The following TMTC1 variants were observed in gnomAD, a reference collection of about 807,000 sequenced individuals.
TMTC1 encodes the protein transmembrane O-mannosyltransferase targeting cadherins 1, also known as protein O-mannosyl-transferase TMTC1.
TMTC1 carries 73 observed loss-of-function variants against 104.8 expected under a neutral mutation model. That is an observed-to-expected ratio of 0.70 (90% CI 0.58 to 0.85). The LOEUF (loss-of-function observed/expected upper bound fraction) is 0.85, where lower values mean the gene tolerates loss of function less well. Among genes scored for constraint, TMTC1 ranks in the 40% least tolerant of loss-of-function variants. The pLI is 0.00. For synonymous variants in TMTC1, 434 were observed against 428.7 expected, an observed-to-expected ratio of 1.01 and a Z score of -0.15; for missense variants, 1,035 against 1,096.1, an observed-to-expected ratio of 0.94 and a Z score of 0.79.
chr12:29,653,353 G>A (rs369239465), intron 5 of TMTC1, among the ~76,000 whole-genome samples: 1 of 151,956 alleles, frequency 6.6e-6, no homozygotes, highest in African/African-American at 2.4e-5. Context: ...CATGAATTCC[G>A]GCGAATAATA....
chr12:29,673,869 C>T (rs1940621888), intron 5 of TMTC1, among the ~76,000 whole-genome samples: 1 of 150,642 alleles, frequency 6.6e-6, no homozygotes, highest in Admixed American at 6.7e-5. Flanking sequence ...AAGCGATTCC[C>T]CTGCCTCAGC....
chr12:29,738,417 AAG>A lies in TMTC1; in HGVS notation c.938+13247_938+13248del, dbSNP rs542957832. 6.4e-4 allele frequency among the ~76,000 whole-genome samples: 98 copies of A among 152,306 alleles called. 1 individual carries two copies. The Middle Eastern group carries it at 0.031, about 48-fold the overall frequency. On this transcript the variant is annotated intron_variant, in intron 5 of 17. Coordinates refer to ENST00000539277, the MANE Select transcript of TMTC1 (RefSeq NM_001193451.2). ...TTCTCACTATTGAAGCTCTAAAACT[AAG>A]AGTCTGGCCAAAGTGAATGCCTGGC...
At chr12:29,669,374 C>CAG (rs929078975) in intron 5 of TMTC1, among the ~76,000 whole-genome samples, 143 of 152,256 alleles carry the variant, frequency 9.4e-4, no homozygotes, top group African/African-American at 3.2e-3. Flanking sequence ...AATGGACAGT[C>CAG]AGTGAAGGGC....
chr12:29,520,775 A>G, intron 11 of TMTC1, 55 bp from the exon 12 acceptor site: 1 of 1,392,230 alleles, frequency 7.2e-7, no homozygotes, highest in Non-Finnish European at 1.0e-6. Context: ...AAAACCAACA[A>G]TAACTGAATA....
intron 7 of TMTC1, among the ~76,000 whole-genome samples, chr12:29,602,248 T>A (rs530883106): frequency 6.6e-6 from 1 of 152,174 alleles, no homozygotes; most frequent in East Asian, 1.9e-4. Flanking sequence ...GCTCAAGAGA[T>A]CCCCCACCTT....
At chr12:29,574,149 T>G (rs540911046) in intron 8 of TMTC1, among the ~76,000 whole-genome samples, 5 of 152,276 alleles carry the variant, frequency 3.3e-5, no homozygotes, top group African/African-American at 9.6e-5. Flanking sequence ...TGATGGCTGA[T>G]TCTTTGGAGA....
chr12:29,695,420 C>A (rs1015607216), intron 5 of TMTC1, among the ~76,000 whole-genome samples: 14 of 152,092 alleles, frequency 9.2e-5, no homozygotes, highest in Non-Finnish European at 1.3e-4. Flanking sequence ...GATTCTCCTG[C>A]CTCAGACTCC....
chr12:29,714,398 AT>A (rs1303779590), intron 5 of TMTC1, among the ~76,000 whole-genome samples: 2 of 152,062 alleles, frequency 1.3e-5, no homozygotes, highest in African/African-American at 4.8e-5. Flanking sequence ...TTCTTTTAAA[AT>A]TTTTTTTACT....
chr12:29,656,591 A>G (rs1471385503), intron 5 of TMTC1, among the ~76,000 whole-genome samples: 2 of 151,990 alleles, frequency 1.3e-5, no homozygotes, highest in African/African-American at 4.8e-5. Context: ...TTGAAACACA[A>G]GAACAGAAAG....
At chr12:29,513,483 T>A (rs1226086699) in intron 16 of TMTC1, among the ~76,000 whole-genome samples, 5 of 152,198 alleles carry the variant, frequency 3.3e-5, no homozygotes, top group African/African-American at 1.2e-4. Context: ...TTTCTGTTTT[T>A]GATTAAAGGA....
At chr12:29,630,880 T>C (rs914826731) in intron 6 of TMTC1, among the ~76,000 whole-genome samples, 2 of 152,218 alleles carry the variant, frequency 1.3e-5, no homozygotes, top group African/African-American at 2.4e-5. Context: ...CCATCAGTAA[T>C]GTATAAGGAT....
chr12:29,610,468 C>T (rs1216255651), intron 6 of TMTC1, among the ~76,000 whole-genome samples: 1 of 152,200 alleles, frequency 6.6e-6, no homozygotes, highest in East Asian at 1.9e-4. Flanking sequence ...ACGTTTACTG[C>T]TATGACAATG....
chr12:29,661,117 TA>T (rs1940002032), intron 5 of TMTC1, among the ~76,000 whole-genome samples: 2 of 152,050 alleles, frequency 1.3e-5, no homozygotes, highest in African/African-American at 4.8e-5. Context: ...TACTCACTTA[TA>T]AAAGGGAGAC....
intron 5 of TMTC1, among the ~76,000 whole-genome samples, chr12:29,651,271 T>C (rs576589555): frequency 6.6e-6 from 1 of 152,332 alleles, no homozygotes; most frequent in South Asian, 2.1e-4. Context: ...AGATATAGTA[T>C]GCTGAAATAA....
intron 12 of TMTC1, 149 bp downstream of exon 12, chr12:29,520,469 G>C: frequency 1.5e-6 from 1 of 663,870 alleles, no homozygotes; most frequent in African/African-American, 1.8e-5. Context: ...CTAGAGAAAT[G>C]ACAGCCCCGA....
At chr12:29,564,341 C>T (rs1423709062) in intron 9 of TMTC1, among the ~76,000 whole-genome samples, 1 of 151,912 alleles carries the variant, frequency 6.6e-6, no homozygotes, top group Non-Finnish European at 1.5e-5. Flanking sequence ...CTGAAGGAAC[C>T]CCTTAAAAAG....
intron 5 of TMTC1, among the ~76,000 whole-genome samples, chr12:29,675,589 TACACACACACACACACAC>T (rs10605906): frequency 0.052 from 6,037 of 116,600 alleles, 182 homozygotes; most frequent in South Asian, 0.21. Context: ...CACATGCAAA[TACACACACACACACACAC>T]ACACACACAC....
chr12:29,602,123 C>T (rs938352998), intron 7 of TMTC1, among the ~76,000 whole-genome samples: 1 of 151,616 alleles, frequency 6.6e-6, no homozygotes, highest in Non-Finnish European at 1.5e-5. Flanking sequence ...CTTGAGCCAC[C>T]GCGCCTGGCA....
chr12:29,725,011 GTTCTTTTTTTT>G (rs1374370493), intron 5 of TMTC1, among the ~76,000 whole-genome samples: 3 of 115,728 alleles, frequency 2.6e-5, no homozygotes, highest in African/African-American at 6.2e-5. Flanking sequence ...TATCTGCCAA[GTTCTTTTTTTT>G]TTTTTTTTTT....
Sources: allele counts gnomAD v4.1 joint callset (sites outside exome capture counted in the v4.1 genomes callset), GRCh38; gene constraint gnomAD v4.1.1; transcripts MANE v1.5; gene names NCBI Gene and HGNC (gene_info 2026-07-23, HGNC 2026-07-21).